Variants in RBFOX1 observed in about 807,000 individuals in gnomAD.
RBFOX1 encodes the protein RNA binding fox-1 homolog 1, also known as RNA binding protein fox-1 homolog 1.
Under a neutral mutation model 57.7 loss-of-function variants are expected in RBFOX1, and 8 were observed. The ratio of observed to expected loss-of-function variants is 0.14; its 90% confidence interval spans 0.08 to 0.25. The LOEUF (loss-of-function observed/expected upper bound fraction) is 0.25. RBFOX1 is among the 10% of genes least tolerant of loss of function. The pLI is 1.00. For missense variants in RBFOX1, 611 were observed against 548.5 expected, an observed-to-expected ratio of 1.11 and a Z score of -1.14; for synonymous variants, 326 against 222.4, an observed-to-expected ratio of 1.47 and a Z score of -4.15.
chr16:6,769,486 G>C (rs531747083), intron 3 of RBFOX1, among the ~76,000 whole-genome samples: 2 of 152,190 alleles, frequency 1.3e-5, no homozygotes, highest in Admixed American at 1.3e-4. Flanking sequence ...GCAGCATTCT[G>C]TAGTTTGTAT....
At chr16:5,594,493 G>C (rs1299162437) in intron 2 of RBFOX1, among the ~76,000 whole-genome samples, 1 of 152,208 alleles carries the variant, frequency 6.6e-6, no homozygotes, top group Non-Finnish European at 1.5e-5. Context: ...GGAGACATAA[G>C]ACATCAATGC....
At chr16:5,427,013 C>G (rs1278507401) in intron 1 of RBFOX1, among the ~76,000 whole-genome samples, 2 of 152,110 alleles carry the variant, frequency 1.3e-5, no homozygotes, top group Admixed American at 6.5e-5. Context: ...CCTCAGCACC[C>G]AGCTCCTTTC....
At chr16:6,987,567 A>T (rs2090578103) in intron 3 of RBFOX1, among the ~76,000 whole-genome samples, 1 of 151,910 alleles carries the variant, frequency 6.6e-6, no homozygotes, top group African/African-American at 2.4e-5. Flanking sequence ...ACATAAGCAT[A>T]GGTGGGCACA....
rs572957461 is a variant in RBFOX1 at position 5,887,393 on chromosome 16, C to T, written c.351+20058C>T. Among the ~76,000 whole-genome samples, 308 of 152,124 alleles carry T rather than the reference C, an allele frequency of 2.0e-3. 1 individual carries two copies. The highest frequency in any genetic ancestry group is 7.2e-3 in the African/African-American group (298 of 41,510). ...TTCCTTCTACCTTGTATTTCTCTCT[C>T]CTGTGTTATTTGTTTGTTTGTTTTG... On this transcript the variant is annotated intron_variant, in intron 4 of 19. Coordinates refer to the RBFOX1 transcript ENST00000641259.
chr16:5,783,120 C>G (rs2054378928), intron 3 of RBFOX1, among the ~76,000 whole-genome samples: 1 of 152,118 alleles, frequency 6.6e-6, no homozygotes, highest in African/African-American at 2.4e-5. Flanking sequence ...CTGTCACACC[C>G]TCTTTACTTA....
intron 1 of RBFOX1, among the ~76,000 whole-genome samples, chr16:5,369,593 C>T (rs182522628): frequency 1.3e-4 from 20 of 152,340 alleles, no homozygotes; most frequent in Admixed American, 5.2e-4. Context: ...ATGCCCCACA[C>T]GCTCCTGAGC....
At chr16:7,096,278 C>G (rs113826590) in intron 4 of RBFOX1, among the ~76,000 whole-genome samples, 2 of 152,258 alleles carry the variant, frequency 1.3e-5, no homozygotes, top group African/African-American at 4.8e-5. Context: ...GATATGTAGG[C>G]TGAGATATCT....
chr16:6,838,067 T>C (rs1037393801), intron 3 of RBFOX1, among the ~76,000 whole-genome samples: 3 of 152,128 alleles, frequency 2.0e-5, no homozygotes, highest in Non-Finnish European at 2.9e-5. Context: ...ACATGCAGGT[T>C]TGTTACAAAG....
intron 4 of RBFOX1, among the ~76,000 whole-genome samples, chr16:7,091,401 A>T (rs1341831132): frequency 2.0e-5 from 3 of 151,720 alleles, no homozygotes; most frequent in African/African-American, 7.3e-5. Context: ...ATACAAACAT[A>T]CCTGGGTTTA....
chr16:7,620,178 A>G (rs553880972), intron 10 of RBFOX1, among the ~76,000 whole-genome samples: 1 of 152,342 alleles, frequency 6.6e-6, no homozygotes, highest in South Asian at 2.1e-4. Context: ...AATAATTGCT[A>G]TTTCCATGAT....
chr16:5,892,628 G>A (rs142291895), intron 4 of RBFOX1, among the ~76,000 whole-genome samples: 7 of 152,116 alleles, frequency 4.6e-5, no homozygotes, highest in African/African-American at 9.7e-5. Flanking sequence ...AATGCATCGC[G>A]GAATCTTGTA....
chr16:6,573,091 C>G (rs1374988638), intron 2 of RBFOX1, among the ~76,000 whole-genome samples: 2 of 152,120 alleles, frequency 1.3e-5, no homozygotes, highest in East Asian at 3.9e-4. Context: ...GATCTGCTCC[C>G]TCAGACCCTA....
At chr16:6,924,174 A>ATAATAC (rs1056195090) in intron 3 of RBFOX1, among the ~76,000 whole-genome samples, 4 of 150,982 alleles carry the variant, frequency 2.6e-5, no homozygotes, top group Non-Finnish European at 5.9e-5. Context: ...CTCAAAAATA[A>ATAATAC]TAATAATAAT....
chr16:5,857,359 TATTGCAGGTATTACCA>T (rs2057098206), intron 3 of RBFOX1, among the ~76,000 whole-genome samples: 1 of 152,070 alleles, frequency 6.6e-6, no homozygotes, highest in Non-Finnish European at 1.5e-5. Context: ...AAATTTTAAA[TATTGCAGGTATTACCA>T]AAATGTGCCA....
At chr16:5,276,808 A>G (rs1285018031) in intron 1 of RBFOX1, among the ~76,000 whole-genome samples, 1 of 152,214 alleles carries the variant, frequency 6.6e-6, no homozygotes, top group Non-Finnish European at 1.5e-5. Flanking sequence ...TGATGTTGGC[A>G]TGGACGTGAA....
intron 3 of RBFOX1, among the ~76,000 whole-genome samples, chr16:6,890,074 A>T (rs1161102078): frequency 1.3e-5 from 2 of 152,240 alleles, no homozygotes; most frequent in African/African-American, 2.4e-5. Flanking sequence ...TTTCTTTTAA[A>T]GTAAAATGTG....
intron 3 of RBFOX1, among the ~76,000 whole-genome samples, chr16:6,856,204 A>C (rs984695599): frequency 6.6e-6 from 1 of 151,768 alleles, no homozygotes; most frequent in Admixed American, 6.6e-5. Flanking sequence ...AGAACCAGAT[A>C]CTGTGCCAGC....
chr16:7,069,548 C>T (rs1205044729), intron 4 of RBFOX1, among the ~76,000 whole-genome samples: 2 of 152,190 alleles, frequency 1.3e-5, no homozygotes, highest in Admixed American at 6.5e-5. Context: ...CACTGAACCT[C>T]TTCATAAGGG....
intron 4 of RBFOX1, among the ~76,000 whole-genome samples, chr16:7,238,286 G>T (rs916604292): frequency 1.3e-5 from 2 of 151,960 alleles, no homozygotes; most frequent in African/African-American, 4.8e-5. Flanking sequence ...GTGCAACACT[G>T]TGAATGTACT....
Sources: allele counts gnomAD v4.1 joint callset (sites outside exome capture counted in the v4.1 genomes callset), GRCh38; gene constraint gnomAD v4.1.1; transcripts MANE v1.5; gene names NCBI Gene and HGNC (gene_info 2026-07-23, HGNC 2026-07-21).